Variants in KLHL25 observed in about 807,000 individuals in gnomAD.
The protein encoded by KLHL25 is kelch-like protein 25.
A neutral mutation model predicts 30.0 loss-of-function variants in KLHL25; 41 were observed. The ratio of observed to expected loss-of-function variants is 1.37; its 90% CI spans 1.07 to 1.78. The LOEUF (loss-of-function observed/expected upper bound fraction) is 1.78. KLHL25 is among the 40% of genes most tolerant of loss of function. The probability of loss-of-function intolerance (pLI) is 0.00; values close to 1 mark genes in which losing one functional copy is unlikely to be tolerated. For synonymous variants in KLHL25, 399 were observed against 355.3 expected, an observed-to-expected ratio of 1.12 and a Z score of -1.38; for missense variants, 971 against 824.5, an observed-to-expected ratio of 1.18 and a Z score of -2.18.
At chr15:85,776,716 G>A (rs1220855773) in intron 1 of KLHL25, among the ~76,000 whole-genome samples, 1 of 152,012 alleles carries the variant, frequency 6.6e-6, no homozygotes, top group Admixed American at 6.6e-5. Context: ...ATGAGGTCAG[G>A]AGATCGAGAC....
At position 85,768,777 on chromosome 15, in the gene KLHL25, G is replaced by A. The variant is rs748049897; in HGVS notation, c.1034C>T (p.Thr345Met). Residue 345 changes from threonine (T) to methionine (M), a missense_variant, in exon 2 of 3, where the codon ACG (threonine) becomes ATG (methionine). By Grantham distance (81) the Thr-to-Met change is moderately conservative. Transcript: ENST00000337975. Reference protein sequence around the residue: ...ASAIGCKVYVTGGRGSENGVS... With the variant: ...ASAIGCKVYVMGGRGSENGVS... ...CCCGTTCTCGGAGCCCCTGCCCCCC[G>A]TCACATAGACCTTGCAGCCGATCGC... The A allele has an allele frequency of 2.7e-5, 43 of 1,612,882 alleles. No individual in the cohort carries two copies. In the East Asian group the frequency reaches 4.9e-4, roughly 18 times the overall value.
At chr15:85,776,349 C>G (rs923341596) in intron 1 of KLHL25, among the ~76,000 whole-genome samples, 3 of 151,816 alleles carry the variant, frequency 2.0e-5, no homozygotes, top group African/African-American at 7.3e-5. Context: ...ATTAGCTGGG[C>G]ATGGTGGCAC....
rs2554 is a variant in KLHL25, at chr15:85,759,412, T to C, written c.*1624A>G. The C allele has an allele frequency of 0.18, 26,943 of 152,620 alleles. 2,696 individuals carry two copies. The highest frequency in any genetic ancestry group is 0.24 in the Non-Finnish European group (16,116 of 68,000). The allele number at this position is 152,620 out of a possible 1,614,324, so 9.5% of individuals were successfully genotyped here. ...GCACCATGGCACGTCCTTTGTGCTA[T>C]GTGATAAGTGTGCTTTATCTCAATG... On this transcript the variant is annotated 3_prime_UTR_variant, in exon 3 of 3. Coordinates refer to ENST00000337975, the MANE Select transcript of KLHL25 (RefSeq NM_022480.4).
At chr15:85,785,597 G>T (rs1348188174) in intron 1 of KLHL25, among the ~76,000 whole-genome samples, 2 of 151,642 alleles carry the variant, frequency 1.3e-5, no homozygotes, top group South Asian at 4.2e-4. Context: ...GGAAACTCCA[G>T]GCACAGGAAG....
At chr15:85,775,864 TA>T (rs10535328) in intron 1 of KLHL25, among the ~76,000 whole-genome samples, 47,528 of 88,628 alleles carry the variant, frequency 0.54, 12,390 homozygotes, top group East Asian at 0.85. Context: ...ATGGCTCGTT[TA>T]AAAAAAAAAA....
chr15:85,788,689 G>C (rs1231532945), intron 1 of KLHL25, among the ~76,000 whole-genome samples: 1 of 152,158 alleles, frequency 6.6e-6, no homozygotes, highest in East Asian at 1.9e-4. Context: ...TCCCAAGCAG[G>C]AGCTCTTTGA....
intron 1 of KLHL25, among the ~76,000 whole-genome samples, chr15:85,775,679 G>A (rs2151809752): frequency 6.6e-6 from 1 of 152,080 alleles, no homozygotes; most frequent in East Asian, 1.9e-4. Context: ...GCAAGCAGTG[G>A]CAGGAAAGGA....
chr15:85,762,832 CTTT>C (rs1291090546), intron 2 of KLHL25: 1 of 152,284 alleles, frequency 6.6e-6, no homozygotes, highest in Non-Finnish European at 1.5e-5. Context: ...GTAGCAACTT[CTTT>C]AAGACAGGAG....
chr15:85,783,454 G>A (rs1597280160), intron 1 of KLHL25, among the ~76,000 whole-genome samples: 1 of 151,944 alleles, frequency 6.6e-6, no homozygotes, highest in Non-Finnish European at 1.5e-5. Context: ...CACTTTGGGA[G>A]GCTGAGGTGG....
intron 1 of KLHL25, among the ~76,000 whole-genome samples, chr15:85,793,535 A>G (rs2089830554): frequency 6.6e-6 from 1 of 152,140 alleles, no homozygotes; most frequent in Non-Finnish European, 1.5e-5. Flanking sequence ...ACATGCCAGG[A>G]ATCCTCACAG....
intron 1 of KLHL25, among the ~76,000 whole-genome samples, chr15:85,792,123 G>A (rs1419403572): frequency 9.9e-5 from 15 of 152,218 alleles, no homozygotes; most frequent in Non-Finnish European, 8.8e-5. Flanking sequence ...GTCAAGGAAA[G>A]GGGTTGGAAC....
Position 85,785,087 on chromosome 15 carries a change from C to CTT in KLHL25, c.-11+9677_-11+9678dup, listed in dbSNP as rs754310721. On this transcript the variant is annotated intron_variant, in intron 1 of 2. Transcript: ENST00000337975. ...CTAGAGAGCAGAGACTGATGTATTT[C>CTT]TTTTTTCTTTTTTTTTTTTTTTCTG... is the stretch of plus-strand genomic sequence containing the variant. Among the ~76,000 whole-genome samples the CTT allele has an allele frequency of 3.7e-4, 52 of 139,122 alleles. 2 individuals carry two copies. The highest frequency in any genetic ancestry group is 9.4e-4 in the South Asian group (4 of 4,244). 91.3% of individuals were successfully genotyped at this position (139,122 alleles called of 152,430 possible). A position where few individuals can be genotyped will look rare whatever the true frequency, so the allele number is the denominator to read the frequency against.
intron 1 of KLHL25, among the ~76,000 whole-genome samples, chr15:85,783,295 T>C (rs2089757022): frequency 1.3e-5 from 2 of 151,830 alleles, no homozygotes; most frequent in Admixed American, 6.6e-5. Flanking sequence ...GGTTTTGCCA[T>C]GTTGGCCAGG....
In KLHL25 at chr15:85,776,965, C is replaced by T. The variant is rs187154529; in HGVS notation, c.-10-7145G>A. Among the ~76,000 whole-genome samples the T allele has an allele frequency of 2.9e-3, 448 of 152,202 alleles. 4 individuals carry two copies. Among genetic ancestry groups the T allele is most frequent in the African/African-American group, 0.01 (418 of 41,544 alleles). ...ATAAATAAATAAATAACAGATCTGA[C>T]ACTTGCAGTGAAGCCACAAGAATTG... On this transcript the variant is annotated intron_variant, in intron 1 of 2. Transcript: ENST00000337975.
chr15:85,771,500 A>G (rs2245513), intron 1 of KLHL25, among the ~76,000 whole-genome samples: 141,120 of 152,326 alleles, frequency 0.93, 65,398 homozygotes, highest in East Asian at 0.99. Flanking sequence ...TCTCTTGCTC[A>G]CTCCTCCTCT....
chr15:85,770,577 G>C, intron 1 of KLHL25: 1 of 532,462 alleles, frequency 1.9e-6, no homozygotes, highest in Non-Finnish European at 3.9e-6. Context: ...ACCTAGCTGG[G>C]GCAAGTGATG....
intron 1 of KLHL25, among the ~76,000 whole-genome samples, chr15:85,776,741 C>T (rs537475595): frequency 8.0e-4 from 122 of 151,846 alleles, no homozygotes; most frequent in African/African-American, 2.7e-3. Context: ...CTGGCTAACA[C>T]AGTGAAACCC....
At chr15:85,786,134 G>A (rs952217653) in intron 1 of KLHL25, among the ~76,000 whole-genome samples, 3 of 152,178 alleles carry the variant, frequency 2.0e-5, no homozygotes, top group Non-Finnish European at 2.9e-5. Flanking sequence ...AGCTGCAGAG[G>A]TATAAAGGCA....
intron 1 of KLHL25, among the ~76,000 whole-genome samples, chr15:85,780,538 A>G (rs1029302689): frequency 1.3e-5 from 2 of 152,204 alleles, no homozygotes; most frequent in East Asian, 3.9e-4. Context: ...ATCACTTTCA[A>G]TGAACCACCA....
Sources: gnomAD v4.1 joint callset for allele counts (sites outside exome capture counted in the v4.1 genomes callset) on GRCh38, gnomAD v4.1.1 for gene constraint, MANE v1.5 for transcripts, NCBI Gene and HGNC (gene_info 2026-07-23, HGNC 2026-07-21) for gene names.